The following GANC variants were observed in gnomAD, a reference collection of about 807,000 sequenced individuals.
The protein encoded by GANC is neutral alpha-glucosidase C.
GANC carries 117 observed loss-of-function variants against 124.2 expected under a neutral mutation model. The observed-to-expected ratio is 0.94, with a 90% CI of 0.81 to 1.10. The LOEUF (loss-of-function observed/expected upper bound fraction) is 1.10. Among genes scored for constraint, GANC ranks in the 50% least tolerant of loss-of-function variants. GANC has a pLI of 0.00. For synonymous variants in GANC, 377 were observed against 376.8 expected (o/e 1.00, Z -0.01); for missense variants, 1,140 against 1,095.0 (o/e 1.04, Z -0.58).
intron 22 of GANC, among the ~76,000 whole-genome samples, 158 bp from the exon 23 acceptor site, chr15:42,351,171 T>C (rs1566963349): frequency 6.6e-6 from 1 of 152,028 alleles, no homozygotes. Context: ...CGTGCCTGGG[T>C]CTTTTATTAT....
chr15:42,304,392 T>C (rs182644473), intron 6 of GANC, among the ~76,000 whole-genome samples: 9 of 151,880 alleles, frequency 5.9e-5, no homozygotes, highest in African/African-American at 2.2e-4. Flanking sequence ...TAAATGCCCA[T>C]GGAATACAAC....
intron 2 of GANC, 41 bp downstream of exon 2, chr15:42,276,451 G>A: frequency 1.1e-6 from 1 of 907,302 alleles, no homozygotes; most frequent in Non-Finnish European, 1.8e-6. Context: ...AAACATCTCT[G>A]ACAGTATTTC....
In GANC at chr15:42,352,842, C is replaced by G. The variant is rs575425796; in HGVS notation, c.*703C>G. 45 of 613,966 alleles carry G rather than the reference C, an allele frequency of 7.3e-5. No homozygotes were observed. The African/African-American group carries it at 8.0e-4, about 11-fold the overall frequency. The allele number at this position is 613,966 out of a possible 1,614,324, so 38.0% of individuals were successfully genotyped here. A position where few individuals can be genotyped will look rare whatever the true frequency, so the allele number is the denominator to read the frequency against. On this transcript the variant is annotated 3_prime_UTR_variant, in exon 24 of 24. Coordinates refer to ENST00000318010, the MANE Select transcript of GANC (RefSeq NM_198141.3). ...AACATGAGTAAGCTATAATTAATAACAATGAAATAAATACCCATGTACCCA... is the reference window on the plus strand; with the variant it reads ...AACATGAGTAAGCTATAATTAATAAGAATGAAATAAATACCCATGTACCCA...
At chr15:42,322,202 A>T (rs1595777954) in intron 11 of GANC, among the ~76,000 whole-genome samples, 182 bp downstream of exon 11, 1 of 152,196 alleles carries the variant, frequency 6.6e-6, no homozygotes, top group East Asian at 1.9e-4. Context: ...TGATGACCCC[A>T]TCCATTCCTG....
chr15:42,327,281 C>G, intron 12 of GANC, 82 bp from the exon 13 acceptor site: 1 of 1,048,222 alleles, frequency 9.5e-7, no homozygotes, highest in Non-Finnish European at 1.4e-6. Context: ...TCCCAGCTCT[C>G]ACATCTGATA....
intron 12 of GANC, 116 bp downstream of exon 12, chr15:42,326,540 T>A: frequency 6.6e-7 from 1 of 1,505,370 alleles, no homozygotes; most frequent in Non-Finnish European, 8.9e-7. Flanking sequence ...AGCTACATTT[T>A]AAGCATATAA....
chr15:42,352,157 T>G lies in GANC; in HGVS notation c.*18T>G, dbSNP rs746462284. ...TCATATGACAAAGAACTGCCCCTGG[T>G]GATGTGAGCAGGGACCTGCCTGCCC... is the stretch of plus-strand genomic sequence containing the variant. On this transcript the variant is annotated 3_prime_UTR_variant, in exon 24 of 24. Coordinates refer to ENST00000318010, the MANE Select transcript of GANC (RefSeq NM_198141.3). 1.9e-6 allele frequency: 3 copies of G among 1,613,948 alleles called. No homozygotes were observed. The highest frequency in any genetic ancestry group is 1.3e-5 in the African/African-American group (1 of 74,920).
At position 42,274,465 on chromosome 15, in the gene GANC, G is replaced by A. The variant is rs758521589; in HGVS notation, c.-17G>A. ...TTGTCCTGAGAGCTGGGAGCTGGTC[G>A]GAGTGACAGAGAAGCCATGGAAGCA... is the stretch of plus-strand genomic sequence containing the variant. On this transcript the variant is annotated 5_prime_UTR_variant, in exon 1 of 24. Transcript: ENST00000318010. 1.2e-6 allele frequency: 2 copies of A among 1,609,696 alleles called. No homozygotes were observed. The highest frequency in any genetic ancestry group is 1.7e-6 in the Non-Finnish European group (2 of 1,178,248).
intron 3 of GANC, among the ~76,000 whole-genome samples, chr15:42,282,650 A>G (rs1269552185): frequency 6.6e-6 from 1 of 152,096 alleles, no homozygotes; most frequent in Non-Finnish European, 1.5e-5. Context: ...AGTTGTCAAG[A>G]TTTGTTAATT....
intron 10 of GANC, among the ~76,000 whole-genome samples, chr15:42,315,871 A>T (rs574808124): frequency 6.6e-6 from 1 of 150,776 alleles, no homozygotes; most frequent in Admixed American, 6.6e-5. Context: ...TGCAACATCA[A>T]CTCCTCCCTG....
intron 7 of GANC, 120 bp from the exon 8 acceptor site, chr15:42,308,102 C>T (rs1392090476): frequency 1.7e-6 from 1 of 583,450 alleles, no homozygotes; most frequent in East Asian, 2.6e-5. Flanking sequence ...GCTAATTGAT[C>T]TAGGTGAGCC....
chr15:42,284,610 C>A lies in GANC; in HGVS notation c.202-3081C>A, dbSNP rs78171663. On this transcript the variant is annotated intron_variant, in intron 3 of 23. Coordinates refer to ENST00000318010, the MANE Select transcript of GANC (RefSeq NM_198141.3). ...TCTCTGAGGATTTATCTCAGCTTCT[C>A]TGTGTAATTGGATATTAACACATCT... Among the ~76,000 whole-genome samples, 27 of 152,300 alleles carry A rather than the reference C, an allele frequency of 1.8e-4. No homozygotes were observed. In the East Asian group the frequency reaches 5.0e-3, roughly 28 times the overall value.
chr15:42,302,908 G>A (rs112327521), intron 6 of GANC, among the ~76,000 whole-genome samples: 4,968 of 152,230 alleles, frequency 0.033, 123 homozygotes, highest in Non-Finnish European at 0.05. Flanking sequence ...CAGGGAGAAT[G>A]GAACCAAGTT....
intron 15 of GANC, among the ~76,000 whole-genome samples, chr15:42,331,589 C>A (rs1566959454): frequency 6.6e-6 from 1 of 152,174 alleles, no homozygotes; most frequent in South Asian, 2.1e-4. Flanking sequence ...CCTCCCACTC[C>A]ACCCCTGAAA....
intron 10 of GANC, among the ~76,000 whole-genome samples, chr15:42,317,190 A>G (rs976030054): frequency 2.6e-5 from 4 of 152,262 alleles, no homozygotes; most frequent in Non-Finnish European, 4.4e-5. Flanking sequence ...AGATGAACAC[A>G]TAAACAAAAT....
At chr15:42,276,172 A>C in intron 1 of GANC, 176 bp from the exon 2 acceptor site, 1 of 473,328 alleles carries the variant, frequency 2.1e-6, no homozygotes, top group Non-Finnish European at 3.9e-6. Flanking sequence ...ACAAAAGGCT[A>C]TTGTTCTGCA....
At chr15:42,311,315 AAAAT>A in intron 10 of GANC, among the ~76,000 whole-genome samples, 1 of 152,382 alleles carries the variant, frequency 6.6e-6, no homozygotes, top group East Asian at 1.9e-4. Context: ...TTAGGCAAGA[AAAAT>A]AAATAAAAGA....
In GANC at chr15:42,310,339, A is replaced by T; in HGVS notation, c.779A>T (p.Asp260Val). Residue 260 changes from aspartate (D) to valine (V), a missense_variant, in exon 9 of 24, where the codon GAT becomes GTT. Physicochemically the swap from Asp to Val is radical, Grantham distance 152 (BLOSUM62 -3). Coordinates refer to ENST00000318010, the MANE Select transcript of GANC (RefSeq NM_198141.3). ...GATGTCTATGGATACCAAATATATGATAAAATGGGCATTTATGGTTCAGTA... is the reference window on the plus strand; with the variant it reads ...GATGTCTATGGATACCAAATATATGTTAAAATGGGCATTTATGGTTCAGTA... ...NLDVYGYQIYDKMGIYGSVPY... is the reference protein window; with the variant it reads ...NLDVYGYQIYVKMGIYGSVPY... 6.2e-7 allele frequency: 1 copy of T among 1,613,502 alleles called. No homozygotes were observed. The highest frequency in any genetic ancestry group is 8.5e-7 in the Non-Finnish European group (1 of 1,179,530).
chr15:42,324,414 A>G (rs922616676), intron 11 of GANC, among the ~76,000 whole-genome samples: 4 of 152,216 alleles, frequency 2.6e-5, no homozygotes, highest in African/African-American at 9.6e-5. Flanking sequence ...TGTATGATCC[A>G]GCAATTCCAC....
Sources: gnomAD v4.1 joint callset for allele counts (sites outside exome capture counted in the v4.1 genomes callset) on GRCh38, gnomAD v4.1.1 for gene constraint, MANE v1.5 for transcripts, NCBI Gene and HGNC (gene_info 2026-07-23, HGNC 2026-07-21) for gene names.